The following UNC79 variants were observed in gnomAD, a reference collection of about 807,000 sequenced individuals.
The protein encoded by UNC79 is protein unc-79 homolog.
Under a neutral mutation model 283.1 loss-of-function variants are expected in UNC79, and 37 were observed. The observed-to-expected ratio is 0.13, with a 90% CI of 0.10 to 0.17. The LOEUF is 0.17. UNC79 is among the 10% of genes least tolerant of loss of function. The pLI, the probability that UNC79 is intolerant of heterozygous loss-of-function variation, is 1.00. For synonymous variants in UNC79, 1,107 were observed against 1,200.2 expected (o/e 0.92, Z 1.61); for missense variants, 2,272 against 3,211.1 (o/e 0.71, Z 7.07).
At position 93,655,419 on chromosome 14, in the gene UNC79, C is replaced by G. The variant is rs76148778; in HGVS notation, c.6456+12C>G. On this transcript the variant is annotated intron_variant, in intron 38 of 48. Transcript: ENST00000555664. ...TTTTACCTCTGAAGGTAAGCTGAGCCGAAGGTTTCATTTTCAATTAATTTC... is the reference window on the plus strand; with the variant it reads ...TTTTACCTCTGAAGGTAAGCTGAGCGGAAGGTTTCATTTTCAATTAATTTC... The G allele has an allele frequency of 6.2e-7, 1 of 1,609,076 alleles. No individual in the cohort carries two copies. The highest frequency in any genetic ancestry group is 8.5e-7 in the Non-Finnish European group (1 of 1,177,232).
chr14:93,587,382 C>T (rs532400394), intron 22 of UNC79, among the ~76,000 whole-genome samples: 5 of 152,232 alleles, frequency 3.3e-5, no homozygotes, highest in South Asian at 2.1e-4. Flanking sequence ...AGATTTACAG[C>T]GTTTTTCCTC....
intron 25 of UNC79, among the ~76,000 whole-genome samples, chr14:93,602,689 G>A (rs189488002): frequency 3.3e-5 from 5 of 152,288 alleles, no homozygotes; most frequent in African/African-American, 1.2e-4. Flanking sequence ...TGCCCAGGCT[G>A]ATGTGTAGTG....
intron 1 of UNC79, among the ~76,000 whole-genome samples, chr14:93,465,660 G>T (rs2057146231): frequency 6.6e-6 from 1 of 152,122 alleles, no homozygotes; most frequent in South Asian, 2.1e-4. Context: ...GTGTAGTGAT[G>T]GTTTTATAGC....
At chr14:93,566,799 A>G (rs1217520064) in intron 14 of UNC79, among the ~76,000 whole-genome samples, 1 of 151,824 alleles carries the variant, frequency 6.6e-6, no homozygotes, top group Non-Finnish European at 1.5e-5. Flanking sequence ...CACCATGTCC[A>G]GTAGAGATGG....
In UNC79 at chr14:93,617,200, CA is replaced by C; in HGVS notation, c.4122del (p.Gln1374HisfsTer17). On this transcript the variant is annotated frameshift_variant, in exon 28 of 49. Coordinates refer to ENST00000555664, the Ensembl canonical transcript of UNC79. LOFTEE classifies it high-confidence loss of function. This position sits in a 1 kb window ranked among gnomAD's most constrained non-coding sequence, Gnocchi z 4.5. ...GGTGCTCAAATACTGCTCTTGTCCT[CA>C]ACTCCGGCATTATTTCCAACAGCCG... 6.2e-7 allele frequency: 1 copy of C among 1,614,222 alleles called. No individual in the cohort carries two copies. The highest frequency in any genetic ancestry group is 8.5e-7 in the Non-Finnish European group (1 of 1,180,030).
chr14:93,333,261 A>G (rs1217628836), exon 1 of UNC79: 4 of 401,872 alleles, frequency 1.0e-5, no homozygotes, highest in Non-Finnish European at 1.7e-5. Flanking sequence ...GGTCGCTGGG[A>G]GTTTGCCTCT....
intron 47 of UNC79, among the ~76,000 whole-genome samples, chr14:93,703,085 T>C (rs565323017): frequency 1.0e-3 from 158 of 152,338 alleles, no homozygotes; most frequent in African/African-American, 3.7e-3. Context: ...CCTGTGCTTT[T>C]CTAAACTTGT....
rs919909647 is a variant in UNC79 at position 93,430,794 on chromosome 14, C to T, written c.-236C>T. 2.1e-5 allele frequency: 10 copies of T among 473,856 alleles called. No individual in the cohort carries two copies. The highest frequency in any genetic ancestry group is 1.8e-4 in the African/African-American group (9 of 50,946). The allele number at this position is 473,856 out of a possible 1,614,324, so 29.4% of individuals were successfully genotyped here. On this transcript the variant is annotated 5_prime_UTR_variant, in exon 1 of 49. Coordinates refer to ENST00000555664, the Ensembl canonical transcript of UNC79. The surrounding 1 kb of genome is among the most constrained non-coding windows in gnomAD (Gnocchi z 4.6). ...GAGGGGACGGACAGGAAGCCTTTGG[C>T]CGCCTATTAAATCCCACCCATTTCT...
At chr14:93,601,646 A>G (rs536365821) in intron 25 of UNC79, among the ~76,000 whole-genome samples, 120 of 152,348 alleles carry the variant, frequency 7.9e-4, no homozygotes, top group African/African-American at 2.5e-3. Context: ...ATCAAATGGT[A>G]GTTCCACTTT....
chr14:93,571,482 T>G (rs1441406002), intron 14 of UNC79, among the ~76,000 whole-genome samples: 1 of 152,184 alleles, frequency 6.6e-6, no homozygotes, highest in Non-Finnish European at 1.5e-5. Context: ...ATACAAAGCA[T>G]GCAGTAGTAG....
intron 1 of UNC79, among the ~76,000 whole-genome samples, chr14:93,451,110 A>G (rs2056626763): frequency 6.6e-6 from 1 of 151,804 alleles, no homozygotes; most frequent in East Asian, 1.9e-4. Flanking sequence ...TCTGATATTA[A>G]TAACAGGTTT....
At chr14:93,365,269 C>T (rs1566894477) in intron 1 of UNC79, among the ~76,000 whole-genome samples, 1 of 151,450 alleles carries the variant, frequency 6.6e-6, no homozygotes, top group East Asian at 1.9e-4. Flanking sequence ...GCCTATAATC[C>T]CAGCTACTTG....
chr14:93,404,650 G>C (rs2055190464), intron 1 of UNC79, among the ~76,000 whole-genome samples: 1 of 148,900 alleles, frequency 6.7e-6, no homozygotes, highest in Admixed American at 6.7e-5. Flanking sequence ...AGTAAGATGG[G>C]AGAAAAGGAG....
chr14:93,540,626 C>T (rs1398942575), intron 12 of UNC79, 34 bp from the exon 13 acceptor site: 2 of 1,596,614 alleles, frequency 1.3e-6, no homozygotes, highest in Non-Finnish European at 1.7e-6. Flanking sequence ...TGTTTTTTCA[C>T]AGTCTAACTT....
At chr14:93,442,673 A>G (rs1029813000) in intron 1 of UNC79, among the ~76,000 whole-genome samples, 2 of 152,170 alleles carry the variant, frequency 1.3e-5, no homozygotes, top group Non-Finnish European at 2.9e-5. Flanking sequence ...ACGTCATTTT[A>G]TCCTCTTTTT....
intron 7 of UNC79, among the ~76,000 whole-genome samples, chr14:93,512,337 G>T (rs1434591504): frequency 1.3e-5 from 2 of 151,866 alleles, no homozygotes; most frequent in Admixed American, 6.6e-5. Context: ...TTGGTATTTA[G>T]TACTTTCATT....
chr14:93,467,302 T>C (rs1374505822), intron 1 of UNC79, among the ~76,000 whole-genome samples: 2 of 152,156 alleles, frequency 1.3e-5, no homozygotes, highest in Non-Finnish European at 2.9e-5. Flanking sequence ...CAAAGACTTA[T>C]ATCTATTATT....
intron 1 of UNC79, among the ~76,000 whole-genome samples, chr14:93,387,839 A>C (rs2054810072): frequency 6.6e-6 from 1 of 152,210 alleles, no homozygotes; most frequent in Non-Finnish European, 1.5e-5. Context: ...TAGGATATTG[A>C]AGTCTCCAGC....
intron 1 of UNC79, among the ~76,000 whole-genome samples, chr14:93,419,467 C>A (rs1418693640): frequency 6.6e-6 from 1 of 151,468 alleles, no homozygotes; most frequent in African/African-American, 2.4e-5. Flanking sequence ...GTACCCAGCC[C>A]GTAAACCACT....
Sources: gnomAD v4.1 joint callset for allele counts (sites outside exome capture counted in the v4.1 genomes callset) on GRCh38, gnomAD v4.1.1 for gene constraint, Gnocchi (gnomAD v3.1) non-coding constraint, MANE v1.5 for transcripts, NCBI Gene and HGNC (gene_info 2026-07-23, HGNC 2026-07-21) for gene names.